The following DENND2A variants were observed in gnomAD, a reference collection of about 807,000 sequenced individuals.
The protein encoded by DENND2A is DENN domain-containing protein 2A.
Under a neutral mutation model 105.3 loss-of-function variants are expected in DENND2A, and 53 were observed. The observed-to-expected ratio is 0.50, with a 90% CI of 0.40 to 0.63. DENND2A has a LOEUF of 0.63. DENND2A is among the 30% of genes least tolerant of loss of function. DENND2A has a pLI of 0.00. For synonymous variants in DENND2A, 522 were observed against 508.4 expected, an observed-to-expected ratio of 1.03 and a Z score of -0.36; for missense variants, 1,138 against 1,279.6, an observed-to-expected ratio of 0.89 and a Z score of 1.69.
chr7:140,574,057 G>T lies in DENND2A; in HGVS notation c.1246-49C>A, dbSNP rs529375462. On this transcript the variant is annotated intron_variant, in intron 5 of 19. Transcript: ENST00000496613. ...AGAGTAAATGAATTCAAAGGAGACT[G>T]ACCGGGGGATAACTGGTGGTGCCAG... 575 of 1,599,652 alleles carry T rather than the reference G, an allele frequency of 3.6e-4. 6 individuals are homozygous for T. The South Asian group carries it at 6.0e-3, about 17-fold the overall frequency.
chr7:140,534,363 A>G (rs991980616), intron 14 of DENND2A, among the ~76,000 whole-genome samples: 1 of 152,134 alleles, frequency 6.6e-6, no homozygotes, highest in African/African-American at 2.4e-5. Flanking sequence ...GATTACAGGC[A>G]TGAGCCACCA....
chr7:140,606,226 G>GA (rs1401927726), intron 1 of DENND2A, among the ~76,000 whole-genome samples: 5 of 152,032 alleles, frequency 3.3e-5, no homozygotes, highest in Non-Finnish European at 7.4e-5. Context: ...TTTTAGTAGA[G>GA]ACGGTTTTTC....
chr7:140,617,207 G>A (rs1800112886), intron 1 of DENND2A, among the ~76,000 whole-genome samples: 1 of 152,190 alleles, frequency 6.6e-6, no homozygotes, highest in South Asian at 2.1e-4. Flanking sequence ...AGAGCATCTT[G>A]GGAATCTGAC....
chr7:140,569,048 CTGAG>C (rs1797984586), intron 7 of DENND2A, among the ~76,000 whole-genome samples: 1 of 152,150 alleles, frequency 6.6e-6, no homozygotes, highest in Middle Eastern at 3.4e-3. Flanking sequence ...CCTTAGCCTC[CTGAG>C]TAGCTGGGAC....
chr7:140,586,766 T>C (rs1485059040), intron 4 of DENND2A, among the ~76,000 whole-genome samples: 4 of 152,222 alleles, frequency 2.6e-5, no homozygotes, highest in Non-Finnish European at 5.9e-5. Context: ...GCAATTCCAA[T>C]TGCTTAGCTA....
At chr7:140,594,763 G>A (rs1799215400) in intron 3 of DENND2A, among the ~76,000 whole-genome samples, 1 of 152,192 alleles carries the variant, frequency 6.6e-6, no homozygotes. Flanking sequence ...CTGTCGCCAG[G>A]CTGGAGTGCA....
chr7:140,538,148 A>G (rs1379863269), intron 14 of DENND2A, among the ~76,000 whole-genome samples: 2 of 152,190 alleles, frequency 1.3e-5, no homozygotes, highest in East Asian at 1.9e-4. Context: ...TTTATAACTC[A>G]TACAATCTTT....
intron 5 of DENND2A, among the ~76,000 whole-genome samples, chr7:140,575,203 A>G (rs919457937): frequency 1.3e-5 from 2 of 152,200 alleles, no homozygotes; most frequent in African/African-American, 4.8e-5. Context: ...AAAAAGAAAT[A>G]CAATGATTCT....
chr7:140,547,104 C>A (rs564107326), intron 12 of DENND2A, among the ~76,000 whole-genome samples, 165 bp from the exon 13 acceptor site: 1 of 152,290 alleles, frequency 6.6e-6, no homozygotes, highest in South Asian at 2.1e-4. Flanking sequence ...ATGATTGTCC[C>A]CAATTCTTCT....
chr7:140,564,307 A>C (rs1797751480), intron 9 of DENND2A, among the ~76,000 whole-genome samples: 1 of 151,598 alleles, frequency 6.6e-6, no homozygotes, highest in Non-Finnish European at 1.5e-5. Context: ...ATACACACAC[A>C]CACACAGAAA....
chr7:140,547,980 C>T (rs185431246), intron 12 of DENND2A, among the ~76,000 whole-genome samples: 11 of 152,184 alleles, frequency 7.2e-5, no homozygotes, highest in Admixed American at 2.6e-4. Flanking sequence ...TAGGGAGTGG[C>T]GGCTAATAGG....
chr7:140,608,841 C>T (rs553427331), intron 1 of DENND2A, among the ~76,000 whole-genome samples: 1 of 152,240 alleles, frequency 6.6e-6, no homozygotes, highest in South Asian at 2.1e-4. Flanking sequence ...GGATCAGTTC[C>T]AGTCAACCTG....
At chr7:140,541,468 G>T (rs1461006768) in intron 14 of DENND2A, among the ~76,000 whole-genome samples, 1 of 152,142 alleles carries the variant, frequency 6.6e-6, no homozygotes, top group Non-Finnish European at 1.5e-5. Flanking sequence ...TCCACTTCTA[G>T]CCCAGGCCTT....
At position 140,527,559 on chromosome 7, in the gene DENND2A, G is replaced by A. The variant is rs759687831; in HGVS notation, c.2328-64C>T. The A allele has an allele frequency of 1.9e-4, 287 of 1,481,022 alleles. 2 individuals are homozygous for A. The highest frequency in any genetic ancestry group is 2.2e-4 in the Middle Eastern group (1 of 4,602). 91.7% of individuals were successfully genotyped at this position (1,481,022 alleles called of 1,614,324 possible). On this transcript the variant is annotated intron_variant, in intron 14 of 19. Coordinates refer to ENST00000496613, the MANE Select transcript of DENND2A (RefSeq NM_015689.5). The surrounding 1 kb of genome is among the most constrained non-coding windows in gnomAD (Gnocchi z 4.9). Reference sequence around the variant, plus strand: ...GCGAGGGCCCGAGGAAGCCTCCAGGGGAGAAGGCTCCTCCCAGAGACAGGA... The same window carrying A: ...GCGAGGGCCCGAGGAAGCCTCCAGGAGAGAAGGCTCCTCCCAGAGACAGGA...
At chr7:140,521,147 A>T (rs960506987) in intron 18 of DENND2A, among the ~76,000 whole-genome samples, 2 of 152,172 alleles carry the variant, frequency 1.3e-5, no homozygotes, top group Non-Finnish European at 2.9e-5. Context: ...AAGTGCTGGG[A>T]TTACAGGCGT....
At chr7:140,532,133 C>T (rs903446580) in intron 14 of DENND2A, among the ~76,000 whole-genome samples, 1 of 151,900 alleles carries the variant, frequency 6.6e-6, no homozygotes, top group Non-Finnish European at 1.5e-5. Flanking sequence ...GATGTGGTGG[C>T]GGGTGCCTGT....
chr7:140,637,378 A>G (rs763654048), intron 1 of DENND2A, among the ~76,000 whole-genome samples: 7 of 152,216 alleles, frequency 4.6e-5, no homozygotes, highest in Admixed American at 2.0e-4. Flanking sequence ...CAATGTATGG[A>G]CATAGATTCT....
chr7:140,549,694 C>T (rs1384486545), intron 12 of DENND2A, among the ~76,000 whole-genome samples: 1 of 152,048 alleles, frequency 6.6e-6, no homozygotes, highest in Non-Finnish European at 1.5e-5. Context: ...GGCAGTTCCT[C>T]AAAAAACTAA....
chr7:140,622,819 G>C (rs1193237023), intron 1 of DENND2A, among the ~76,000 whole-genome samples: 1 of 152,104 alleles, frequency 6.6e-6, no homozygotes, highest in Non-Finnish European at 1.5e-5. Context: ...GGATCTGCCT[G>C]CCTTGGCCTT....
Sources: gnomAD v4.1 joint callset for allele counts (sites outside exome capture counted in the v4.1 genomes callset) on GRCh38, gnomAD v4.1.1 for gene constraint, Gnocchi (gnomAD v3.1) non-coding constraint, MANE v1.5 for transcripts, NCBI Gene and HGNC (gene_info 2026-07-23, HGNC 2026-07-21) for gene names.